VPS8: variants seen among roughly 807,000 people sequenced by gnomAD.
VPS8 encodes VPS8 subunit of CORVET complex.
A neutral mutation model predicts 216.4 loss-of-function variants in VPS8; 129 were observed. The ratio of observed to expected loss-of-function variants is 0.60; its 90% CI spans 0.52 to 0.69. The LOEUF is 0.69. Ranked by LOEUF, VPS8 falls within the 30% of genes least tolerant of loss-of-function variation. VPS8 has a pLI of 0.00. For synonymous variants in VPS8, 571 were observed against 565.4 expected (o/e 1.01, Z -0.14); for missense variants, 1,531 against 1,683.5 (o/e 0.91, Z 1.59).
At chr3:184,910,194 C>T (rs572744999) in intron 25 of VPS8, among the ~76,000 whole-genome samples, 19 of 142,900 alleles carry the variant, frequency 1.3e-4, no homozygotes, top group Non-Finnish European at 2.5e-4. Context: ...ACTGCAGTGG[C>T]GCTATCTCGG....
In VPS8 at chr3:184,869,056, G is replaced by C; in HGVS notation, c.1597+20G>C. 6 of 1,589,552 alleles carry C rather than the reference G, an allele frequency of 3.8e-6. No individual in the cohort carries two copies. The highest frequency in any genetic ancestry group is 5.1e-6 in the Non-Finnish European group (6 of 1,167,110). On this transcript the variant is annotated intron_variant, in intron 19 of 47. Coordinates refer to ENST00000625842, the MANE Select transcript of VPS8 (RefSeq NM_001009921.3). ...TAGTGGGTGAGTAGGCAGAATTCCAGTGTAGTAGACGTGGTTCTCCTGGAG... is the reference window on the plus strand; with the variant it reads ...TAGTGGGTGAGTAGGCAGAATTCCACTGTAGTAGACGTGGTTCTCCTGGAG...
intron 42 of VPS8, 113 bp from the exon 43 acceptor site, chr3:184,993,870 A>G: frequency 2.5e-6 from 2 of 791,846 alleles, no homozygotes; most frequent in African/African-American, 1.8e-5. Flanking sequence ...AAGAATAAAT[A>G]TTTTGTGACT....
At position 184,997,102 on chromosome 3, in the gene VPS8, A is replaced by C. The variant is rs554215900; in HGVS notation, c.3836+601A>C. On this transcript the variant is annotated intron_variant, in intron 44 of 47. Coordinates refer to ENST00000625842, the MANE Select transcript of VPS8 (RefSeq NM_001009921.3). The stretch of plus-strand genomic sequence containing the variant: ...GTCAGAAATCTGGAGATGTGTTGAG[A>C]CTGGAAAATTTTAATTTAGAAGTTG... Among the ~76,000 whole-genome samples the C allele has an allele frequency of 1.4e-4, 21 of 152,296 alleles. No homozygotes were observed. In the South Asian group the frequency reaches 1.5e-3, roughly 11 times the overall value.
chr3:184,941,575 A>T (rs999181770), intron 36 of VPS8, among the ~76,000 whole-genome samples: 1 of 151,684 alleles, frequency 6.6e-6, no homozygotes, highest in African/African-American at 2.4e-5. Flanking sequence ...AGGTAGGGAG[A>T]GCTGGGAGGG....
intron 1 of VPS8, among the ~76,000 whole-genome samples, chr3:184,818,064 C>G (rs1198037939): frequency 6.6e-6 from 1 of 152,082 alleles, no homozygotes; most frequent in Non-Finnish European, 1.5e-5. Context: ...GAAGGTGAAT[C>G]AGCTTGAGCA....
At position 184,984,192 on chromosome 3, in the gene VPS8, A is replaced by AC; in HGVS notation, c.3585+1098_3585+1099insC. Among the ~76,000 whole-genome samples, 4 of 145,898 alleles carry AC rather than the reference A, an allele frequency of 2.7e-5. 1 individual carries two copies. Among genetic ancestry groups the AC allele is most frequent in the African/African-American group, 5.0e-5 (2 of 40,036 alleles). On this transcript the variant is annotated intron_variant, in intron 42 of 47. Coordinates refer to ENST00000625842, the MANE Select transcript of VPS8 (RefSeq NM_001009921.3). Reference sequence around the variant, plus strand: ...GAGCGAGACTCCGTCTCAAAAAAAAAAACTCTACTTCCCATCTGATATTAA... The same window carrying AC: ...GAGCGAGACTCCGTCTCAAAAAAAAACAACTCTACTTCCCATCTGATATTAA...
At chr3:185,015,757 T>C (rs1413919538) in intron 45 of VPS8, among the ~76,000 whole-genome samples, 1 of 152,236 alleles carries the variant, frequency 6.6e-6, no homozygotes, top group Non-Finnish European at 1.5e-5. Context: ...TATTTCTGCT[T>C]TCCTGAGAGG....
At chr3:185,039,646 T>A (rs2108499558) in intron 46 of VPS8, among the ~76,000 whole-genome samples, 1 of 152,142 alleles carries the variant, frequency 6.6e-6, no homozygotes, top group South Asian at 2.1e-4. Context: ...TAGAAAAGGT[T>A]CAGGGGGTAG....
At chr3:184,901,071 T>C in intron 25 of VPS8, 99 bp downstream of exon 25, 1 of 1,019,468 alleles carries the variant, frequency 9.8e-7, no homozygotes, top group Non-Finnish European at 1.5e-6. Flanking sequence ...GTGTGAATGT[T>C]GGTAATCATG....
chr3:184,824,569 G>C lies in VPS8; in HGVS notation c.-64G>C. 1 of 1,532,924 alleles carries C rather than the reference G, an allele frequency of 6.5e-7. No homozygotes were observed. The highest frequency in any genetic ancestry group is 8.8e-7 in the Non-Finnish European group (1 of 1,130,380). The allele number at this position is 1,532,924 out of a possible 1,614,324, so 95.0% of individuals were successfully genotyped here. The stretch of plus-strand genomic sequence containing the variant: ...GAGATAATCATTCAGGTCTTCGTGA[G>C]CTAAGGCCAAACAAACAAAAAACAC... On this transcript the variant is annotated 5_prime_UTR_variant, in exon 2 of 48. Coordinates refer to ENST00000625842, the MANE Select transcript of VPS8 (RefSeq NM_001009921.3).
chr3:184,883,152 C>T (rs1351006230), intron 21 of VPS8, among the ~76,000 whole-genome samples: 5 of 152,130 alleles, frequency 3.3e-5, no homozygotes, highest in Non-Finnish European at 7.4e-5. Context: ...ATTTTAAACC[C>T]CAGTGACTTT....
At chr3:185,034,504 T>C (rs1242186975) in intron 46 of VPS8, among the ~76,000 whole-genome samples, 2 of 152,330 alleles carry the variant, frequency 1.3e-5, no homozygotes, top group Admixed American at 1.3e-4. Context: ...TTTTTGCTTA[T>C]TGTTTTAACT....
intron 45 of VPS8, among the ~76,000 whole-genome samples, chr3:185,000,722 C>T (rs1041929522): frequency 8.6e-5 from 13 of 151,668 alleles, no homozygotes; most frequent in Admixed American, 5.9e-4. Context: ...CATTCTGCCT[C>T]AGCCTCCCGA....
intron 46 of VPS8, among the ~76,000 whole-genome samples, chr3:185,046,093 C>T (rs948917173): frequency 6.6e-6 from 1 of 152,238 alleles, no homozygotes; most frequent in South Asian, 2.1e-4. Context: ...GAAATTTGCT[C>T]TAACAGACAG....
chr3:184,945,715 A>G (rs1743562030), intron 36 of VPS8, among the ~76,000 whole-genome samples: 1 of 152,196 alleles, frequency 6.6e-6, no homozygotes, highest in Non-Finnish European at 1.5e-5. Flanking sequence ...GCTACACGGA[A>G]AAACCAATTC....
At chr3:184,910,258 C>T (rs979016059) in intron 25 of VPS8, among the ~76,000 whole-genome samples, 2 of 151,876 alleles carry the variant, frequency 1.3e-5, no homozygotes, top group Admixed American at 6.6e-5. Context: ...CTTGGCCTCC[C>T]GGCAAGATTC....
intron 5 of VPS8, 40 bp from the exon 6 acceptor site, chr3:184,838,674 G>A (rs1398944043): frequency 6.7e-7 from 1 of 1,489,752 alleles, no homozygotes; most frequent in Admixed American, 2.2e-5. Flanking sequence ...GTTTTAAAAT[G>A]AGAATATTTT....
intron 21 of VPS8, among the ~76,000 whole-genome samples, chr3:184,875,997 A>C (rs1384663836): frequency 1.3e-5 from 2 of 151,858 alleles, no homozygotes; most frequent in Non-Finnish European, 2.9e-5. Flanking sequence ...CTCAAAAAAA[A>C]AAAAAAGAGT....
chr3:184,854,214 A>G (rs1577910052), intron 13 of VPS8, 41 bp downstream of exon 13: 1 of 1,606,870 alleles, frequency 6.2e-7, no homozygotes, highest in Non-Finnish European at 8.5e-7. Context: ...AGGAAGGACC[A>G]TGTCAGGAGG....
Sources: gnomAD v4.1 joint callset for allele counts (sites outside exome capture counted in the v4.1 genomes callset) on GRCh38, gnomAD v4.1.1 for gene constraint, MANE v1.5 for transcripts, NCBI Gene and HGNC (gene_info 2026-07-23, HGNC 2026-07-21) for gene names.